RIMS3: variants seen among roughly 807,000 people sequenced by gnomAD.
RIMS3 encodes the protein regulating synaptic membrane exocytosis protein 3.
In RIMS3, 15 loss-of-function variants were observed where a neutral mutation model predicts 29.2. The ratio of observed to expected loss-of-function variants is 0.51; its 90% CI spans 0.34 to 0.79. The LOEUF is 0.79. Among genes scored for constraint, RIMS3 ranks in the 30% least tolerant of loss-of-function variants. The pLI, the probability that RIMS3 is intolerant of heterozygous loss-of-function variation, is 0.01. For missense variants in RIMS3, 342 were observed against 421.4 expected (o/e 0.81, Z 1.65); for synonymous variants, 161 against 170.1 (o/e 0.95, Z 0.41).
At chr1:40,660,137 G>T (rs1003293798) in intron 1 of RIMS3, among the ~76,000 whole-genome samples, 2 of 152,142 alleles carry the variant, frequency 1.3e-5, no homozygotes, top group African/African-American at 4.8e-5. Context: ...GACTAACAGG[G>T]CTTGCTGAGG....
At chr1:40,627,289 C>T (rs538246388) in intron 7 of RIMS3, among the ~76,000 whole-genome samples, 31 of 152,206 alleles carry the variant, frequency 2.0e-4, no homozygotes, top group African/African-American at 4.1e-4. Flanking sequence ...AGTGCAGTGG[C>T]GCAATCTCAG....
At chr1:40,678,302 G>A in the RIMS3 span, among the ~76,000 whole-genome samples, 1 of 152,322 alleles carries the variant, frequency 6.6e-6, no homozygotes, top group African/African-American at 2.4e-5. Context: ...CAGCTACCTG[G>A]GAGGCTGAGG....
At position 40,654,208 on chromosome 1, in the gene RIMS3, T is replaced by A. The variant is rs1642238059; in HGVS notation, c.-206-6366A>T. 6.9e-6 allele frequency among the ~76,000 whole-genome samples: 1 copy of A among 144,402 alleles called. No individual in the cohort carries two copies. Among genetic ancestry groups the A allele is most frequent in the African/African-American group, 2.5e-5 (1 of 39,988 alleles). 94.7% of individuals were successfully genotyped at this position (144,402 alleles called of 152,430 possible). ...CGCCGCTGACGAGGCCGGATCAATA[T>A]TTCATGGGGGGAAGGGGCTCCAGTT... On this transcript the variant is annotated intron_variant, in intron 1 of 7. Transcript: ENST00000372684. The surrounding 1 kb of genome is among the most constrained non-coding windows in gnomAD (Gnocchi z 5.3).
chr1:40,652,876 C>G lies in RIMS3; in HGVS notation c.-206-5034G>C, dbSNP rs148131160. ...CATCCATGCAGGAAGAAGGGCTGCA[C>G]TGCTTTAGAAAGTGAGGTGCGAAGA... On this transcript the variant is annotated intron_variant, in intron 1 of 7. Coordinates refer to ENST00000372684, the MANE Select transcript of RIMS3 (RefSeq NM_014747.3). Among the ~76,000 whole-genome samples, 156 of 152,294 alleles carry G rather than the reference C, an allele frequency of 1.0e-3. 2 individuals carry two copies. In the East Asian group the frequency reaches 0.027, roughly 26 times the overall value.
At chr1:40,628,521 T>C (rs1332067975) in intron 7 of RIMS3, among the ~76,000 whole-genome samples, 1 of 152,208 alleles carries the variant, frequency 6.6e-6, no homozygotes, top group Non-Finnish European at 1.5e-5. Context: ...TGAACTGATG[T>C]GCAATGAACA....
At chr1:40,665,916 C>T (rs1167292945), upstream of RIMS3, among the ~76,000 whole-genome samples, 2 of 152,162 alleles carry the variant, frequency 1.3e-5, no homozygotes, top group South Asian at 2.1e-4. Context: ...TGCCTCCTGC[C>T]CGGCCTCCCC....
At chr1:40,674,657 A>G in the RIMS3 span, among the ~76,000 whole-genome samples, 1 of 152,122 alleles carries the variant, frequency 6.6e-6, no homozygotes. Flanking sequence ...TCCTGATAAA[A>G]GGATGCATTC....
rs143957603 is a variant in RIMS3, at chr1:40,629,361, T to A, written c.484A>T (p.Ile162Phe). 1 of 1,613,852 alleles carries A rather than the reference T, an allele frequency of 6.2e-7. No individual in the cohort carries two copies. Among genetic ancestry groups the A allele is most frequent in the Non-Finnish European group, 8.5e-7 (1 of 1,179,834 alleles). ...LATPPMGDVH[I>F]AIMDRSGQLE... ...TGGCCACTCCGGTCCATGATGGCAA[T>A]GTGCACATCTCCTGAAAGGAAGAAG... The change falls in exon 6 of 8, where the codon ATT becomes TTT. Residue 162 changes from isoleucine (I) to phenylalanine (F), a missense_variant. Transcript: ENST00000372684.
At chr1:40,644,463 A>G (rs1031209041) in intron 2 of RIMS3, among the ~76,000 whole-genome samples, 1 of 152,242 alleles carries the variant, frequency 6.6e-6, no homozygotes, top group African/African-American at 2.4e-5. Context: ...AGTCAGGCCA[A>G]CTTGGTCCTG....
intron 7 of RIMS3, 71 bp downstream of exon 7, chr1:40,628,738 TA>T: frequency 6.2e-7 from 1 of 1,600,950 alleles, no homozygotes; most frequent in South Asian, 1.1e-5. Flanking sequence ...GGATGAATCA[TA>T]AATGAAAAAC....
the RIMS3 span, among the ~76,000 whole-genome samples, chr1:40,671,650 GATTGGA>G: frequency 1.3e-5 from 2 of 152,008 alleles, no homozygotes; most frequent in Non-Finnish European, 2.9e-5. Context: ...CTTCAGCCAT[GATTGGA>G]AGCTTCCTGA....
chr1:40,688,028 G>C, the RIMS3 span, among the ~76,000 whole-genome samples: 1 of 152,116 alleles, frequency 6.6e-6, no homozygotes, highest in Non-Finnish European at 1.5e-5. Flanking sequence ...GCAATGGTGC[G>C]ATCTCGGCTC....
the RIMS3 span, among the ~76,000 whole-genome samples, chr1:40,672,372 G>A: frequency 2.0e-5 from 3 of 151,852 alleles, no homozygotes; most frequent in African/African-American, 7.3e-5. Context: ...CTAATTTTTT[G>A]TATTTTTAGT....
chr1:40,690,257 GCTT>G, the RIMS3 span: 1 of 152,112 alleles, frequency 6.6e-6, no homozygotes, highest in Non-Finnish European at 1.5e-5. Context: ...GACTTATTTA[GCTT>G]TTTTCCATTA....
chr1:40,668,134 C>T (rs1642447061), upstream of RIMS3, among the ~76,000 whole-genome samples: 6 of 151,792 alleles, frequency 4.0e-5, no homozygotes, highest in South Asian at 1.0e-3. Context: ...ACCTGTAGTC[C>T]CAACTACTTG....
chr1:40,642,955 CAAAA>C (rs60193626), intron 2 of RIMS3, among the ~76,000 whole-genome samples: 3,836 of 144,066 alleles, frequency 0.027, 69 homozygotes, highest in Middle Eastern at 0.063. Context: ...GACTCTGTCT[CAAAA>C]AAAAAAAAAA....
the RIMS3 span, among the ~76,000 whole-genome samples, chr1:40,684,696 G>A: frequency 6.6e-6 from 1 of 152,224 alleles, no homozygotes; most frequent in African/African-American, 2.4e-5. Context: ...TGGCCATGGA[G>A]AATGTCTCTC....
upstream of RIMS3, among the ~76,000 whole-genome samples, chr1:40,666,894 A>G (rs1051075781): frequency 6.6e-6 from 1 of 152,090 alleles, no homozygotes; most frequent in South Asian, 2.1e-4. Context: ...GTGTGGTGGC[A>G]CACAACTATA....
intron 4 of RIMS3, among the ~76,000 whole-genome samples, chr1:40,634,912 GC>G (rs1646510050): frequency 6.6e-6 from 1 of 150,870 alleles, no homozygotes; most frequent in Non-Finnish European, 1.5e-5. Context: ...CTGCACTCCA[GC>G]GTGGGCAACA....
Sources: gnomAD v4.1 joint callset for allele counts (sites outside exome capture counted in the v4.1 genomes callset) on GRCh38, gnomAD v4.1.1 for gene constraint, Gnocchi (gnomAD v3.1) non-coding constraint, MANE v1.5 for transcripts, NCBI Gene and HGNC (gene_info 2026-07-23, HGNC 2026-07-21) for gene names.